Variants in ENPP5 observed in about 807,000 individuals in gnomAD.
The protein encoded by ENPP5 is E-NPP 5.
A neutral mutation model predicts 33.7 loss-of-function variants in ENPP5; 27 were observed. The observed-to-expected ratio is 0.80, with a 90% CI of 0.59 to 1.11. The LOEUF (loss-of-function observed/expected upper bound fraction) is 1.11, where lower values mean the gene tolerates loss of function less well. Ranked by LOEUF, ENPP5 falls within the 50% of genes least tolerant of loss-of-function variation. The pLI is 0.00. For missense variants in ENPP5, 552 were observed against 579.2 expected, an observed-to-expected ratio of 0.95 and a Z score of 0.48; for synonymous variants, 199 against 200.5, an observed-to-expected ratio of 0.99 and a Z score of 0.06.
In ENPP5 at chr6:46,167,556, G is replaced by A. The variant is rs1489406389; in HGVS notation, c.707C>T (p.Thr236Ile). 5 of 1,614,002 alleles carry A rather than the reference G, an allele frequency of 3.1e-6. No homozygotes were observed. Among genetic ancestry groups the A allele is most frequent in the Non-Finnish European group, 3.4e-6 (4 of 1,179,986 alleles). ...KLWNTLNLIITSDHGMTQCSE... is the reference protein window; with the variant it reads ...KLWNTLNLIIISDHGMTQCSE... The stretch of plus-strand genomic sequence containing the variant: ...GCACTGCGTCATTCCATGATCACTT[G>A]TGATGATTAGGTTCAGAGTGTTCCA... Residue 236 changes from threonine to isoleucine, a missense_variant, in exon 3 of 5, where the codon ACA (threonine) becomes ATA (isoleucine). Physicochemically the swap from Thr to Ile is moderately conservative, Grantham distance 89. Coordinates refer to ENST00000371383, the MANE Select transcript of ENPP5 (RefSeq NM_001290072.2).
intron 3 of ENPP5, among the ~76,000 whole-genome samples, chr6:46,166,768 CAA>C (rs1764559285): frequency 1.3e-5 from 2 of 152,132 alleles, no homozygotes; most frequent in South Asian, 4.1e-4. Context: ...ACCAACCCTG[CAA>C]AGTGATAAAA....
At chr6:46,166,872 C>A (rs9472713) in intron 3 of ENPP5, among the ~76,000 whole-genome samples, 1 of 151,980 alleles carries the variant, frequency 6.6e-6, no homozygotes, top group African/African-American at 2.4e-5. Flanking sequence ...TCATTTACTT[C>A]TCTTTAAAAT....
chr6:46,170,548 A>G (rs2127500404), intron 1 of ENPP5, among the ~76,000 whole-genome samples: 1 of 152,184 alleles, frequency 6.6e-6, no homozygotes, highest in African/African-American at 2.4e-5. Context: ...GATTAAACGG[A>G]AGAGGGAAAG....
chr6:46,162,019 TTA>T (rs548904808), intron 4 of ENPP5, among the ~76,000 whole-genome samples: 70 of 152,244 alleles, frequency 4.6e-4, no homozygotes, highest in Admixed American at 1.9e-3. Flanking sequence ...CAGAGCCAAG[TTA>T]GGGAAAAATT....
intron 4 of ENPP5, 106 bp downstream of exon 4, chr6:46,165,281 C>A: frequency 1.2e-6 from 1 of 867,060 alleles, no homozygotes. Flanking sequence ...ATTCAAGTAA[C>A]AGACAGTAAA....
intron 4 of ENPP5, 92 bp from the exon 5 acceptor site, chr6:46,161,845 T>A (rs1764405880): frequency 2.3e-6 from 2 of 867,948 alleles, no homozygotes; most frequent in African/African-American, 3.3e-5. Flanking sequence ...TAAATGCACA[T>A]CTTATCTAGT....
chr6:46,163,010 A>AT, intron 4 of ENPP5, among the ~76,000 whole-genome samples: 1 of 152,368 alleles, frequency 6.6e-6, no homozygotes, highest in Middle Eastern at 3.4e-3. Context: ...CAGACTTAAA[A>AT]TTAAGTCATT....
Position 46,159,388 on chromosome 6 carries a change from C to G in ENPP5, c.*1938G>C, listed in dbSNP as rs1364475068. The G allele has an allele frequency of 6.6e-6, 1 of 152,088 alleles. No individual in the cohort carries two copies. The highest frequency in any genetic ancestry group is 1.5e-5 in the Non-Finnish European group (1 of 68,000). 9.4% of individuals were successfully genotyped at this position (152,088 alleles called of 1,614,324 possible). A position where few individuals can be genotyped will look rare whatever the true frequency, so the allele number is the denominator to read the frequency against. On this transcript the variant is annotated 3_prime_UTR_variant, in exon 5 of 5. Coordinates refer to ENST00000371383, the MANE Select transcript of ENPP5 (RefSeq NM_001290072.2). Reference sequence around the variant, plus strand: ...GGACAGATAGCATAATAGTAATGCTCTAAAATGGACCAATTTCACCTTCCA... The same window carrying G: ...GGACAGATAGCATAATAGTAATGCTGTAAAATGGACCAATTTCACCTTCCA...
At position 46,161,027 on chromosome 6, in the gene ENPP5, T is replaced by G. The variant is rs1764375001; in HGVS notation, c.*299A>C. 1 of 338,432 alleles carries G rather than the reference T, an allele frequency of 3.0e-6. No individual in the cohort carries two copies. The highest frequency in any genetic ancestry group is 5.5e-6 in the Non-Finnish European group (1 of 181,396). The allele number at this position is 338,432 out of a possible 1,614,324, so 21.0% of individuals were successfully genotyped here. ...GCAATACATAAGGTACTTTACATAG[T>G]GCAAAGTTGCTAAATATATACATTA... is the stretch of plus-strand genomic sequence containing the variant. On this transcript the variant is annotated 3_prime_UTR_variant, in exon 5 of 5. Coordinates refer to ENST00000371383, the MANE Select transcript of ENPP5 (RefSeq NM_001290072.2).
Position 46,161,550 on chromosome 6 carries a change from G to C in ENPP5, c.1210C>G (p.Pro404Ala). Residue 404 changes from proline (P) to alanine (A), a missense_variant, in exon 5 of 5, where the codon CCA becomes GCA. Physicochemically the swap from Pro to Ala is conservative, Grantham distance 27. Transcript: ENST00000371383. ...NVQDLLNSAM[P>A]RVVPYTQSTI... ...CTCTGTGTATAAGGGACCACCCTTG[G>C]CATTGCTGAATTGAGCAGATCCTGG... The C allele has an allele frequency of 6.2e-7, 1 of 1,613,872 alleles. No homozygotes were observed. The highest frequency in any genetic ancestry group is 8.5e-7 in the Non-Finnish European group (1 of 1,179,776).
Position 46,167,497 on chromosome 6 carries a change from G to A in ENPP5, c.766C>T (p.Leu256=), listed in dbSNP as rs374908795. 6.2e-7 allele frequency: 1 copy of A among 1,614,156 alleles called. No individual in the cohort carries two copies. Among genetic ancestry groups the A allele is most frequent in the East Asian group, 2.2e-5 (1 of 44,882 alleles). Residue 256 remains leucine, a synonymous_variant, in exon 3 of 5, where the codon CTG becomes TTG. Transcript: ENST00000371383. ...EERLIELDQY[L]DKDHYTLIDQ... is the part of the protein sequence containing the mutation. Reference sequence around the variant, plus strand: ...ATCAGGGTATAGTGGTCTTTATCCAGGTACTGGTCAAGTTCTATTAACCTT... The same window carrying A: ...ATCAGGGTATAGTGGTCTTTATCCAAGTACTGGTCAAGTTCTATTAACCTT...
At chr6:46,163,969 G>C (rs370996031) in intron 4 of ENPP5, among the ~76,000 whole-genome samples, 1 of 152,074 alleles carries the variant, frequency 6.6e-6, no homozygotes, top group African/African-American at 2.4e-5. Context: ...AGACTTAAAC[G>C]CTAGACCTAA....
intron 2 of ENPP5, among the ~76,000 whole-genome samples, chr6:46,169,447 C>T (rs1404526085): frequency 6.7e-6 from 1 of 149,400 alleles, no homozygotes; most frequent in African/African-American, 2.5e-5. Context: ...AGCTGGTGTG[C>T]GGTGGCACGA....
At chr6:46,161,864 A>G (rs1764406620) in intron 4 of ENPP5, 111 bp from the exon 5 acceptor site, 2 of 754,572 alleles carry the variant, frequency 2.7e-6, no homozygotes, top group Admixed American at 2.3e-5. Context: ...GTTTGACTGT[A>G]AACATAAAAC....
chr6:46,161,550 G>T lies in ENPP5; in HGVS notation c.1210C>A (p.Pro404Thr). 1.2e-6 allele frequency: 2 copies of T among 1,613,872 alleles called. No individual in the cohort carries two copies. Among genetic ancestry groups the T allele is most frequent in the Non-Finnish European group, 1.7e-6 (2 of 1,179,776 alleles). ...CTCTGTGTATAAGGGACCACCCTTGGCATTGCTGAATTGAGCAGATCCTGG... is the reference window on the plus strand; with the variant it reads ...CTCTGTGTATAAGGGACCACCCTTGTCATTGCTGAATTGAGCAGATCCTGG... ...NVQDLLNSAMPRVVPYTQSTI... is the reference protein window; with the variant it reads ...NVQDLLNSAMTRVVPYTQSTI... The change falls in exon 5 of 5, where the codon CCA (proline) becomes ACA (threonine). Residue 404 changes from proline to threonine, a missense_variant. Coordinates refer to ENST00000371383, the MANE Select transcript of ENPP5 (RefSeq NM_001290072.2).
chr6:46,169,317 A>G (rs1764664983), intron 2 of ENPP5, among the ~76,000 whole-genome samples: 1 of 152,010 alleles, frequency 6.6e-6, no homozygotes. Flanking sequence ...TAAACCCACC[A>G]AAACTTAGAT....
At chr6:46,164,553 GT>G (rs1326827611) in intron 4 of ENPP5, among the ~76,000 whole-genome samples, 1 of 152,102 alleles carries the variant, frequency 6.6e-6, no homozygotes, top group African/African-American at 2.4e-5. Flanking sequence ...TGTAACTGTA[GT>G]TCAGCAAACC....
In ENPP5 at chr6:46,160,775, C is replaced by T. The variant is rs976507686; in HGVS notation, c.*551G>A. 6.5e-6 allele frequency: 1 copy of T among 153,632 alleles called. No homozygotes were observed. The highest frequency in any genetic ancestry group is 1.5e-5 in the Non-Finnish European group (1 of 68,884). 9.5% of individuals were successfully genotyped at this position (153,632 alleles called of 1,614,324 possible). A position where few individuals can be genotyped will look rare whatever the true frequency, so the allele number is the denominator to read the frequency against. On this transcript the variant is annotated 3_prime_UTR_variant, in exon 5 of 5. Transcript: ENST00000371383. Reference sequence around the variant, plus strand: ...AAAATTCAAGGTTCAAAGGTTATCACATTTAATTTTCAACACTTATCACCT... The same window carrying T: ...AAAATTCAAGGTTCAAAGGTTATCATATTTAATTTTCAACACTTATCACCT...
chr6:46,161,605 G>T lies in ENPP5; in HGVS notation c.1155C>A (p.Ala385=). ...TCCAGAATGATCCATTGTGTGGCAT[G>T]GCGGTGATATTGAGGAGGTGGCATA... ...PLLCHLLNIT[A]MPHNGSFWNV... The change falls in exon 5 of 5, where the codon GCC becomes GCA. Residue 385 remains alanine, a synonymous_variant. Coordinates refer to ENST00000371383, the MANE Select transcript of ENPP5 (RefSeq NM_001290072.2). The T allele has an allele frequency of 6.2e-7, 1 of 1,614,062 alleles. No homozygotes were observed. Among genetic ancestry groups the T allele is most frequent in the Non-Finnish European group, 8.5e-7 (1 of 1,179,954 alleles).
Sources: gnomAD v4.1 joint callset for allele counts (sites outside exome capture counted in the v4.1 genomes callset) on GRCh38, gnomAD v4.1.1 for gene constraint, MANE v1.5 for transcripts, NCBI Gene and HGNC (gene_info 2026-07-23, HGNC 2026-07-21) for gene names.